Variants in FRAS1 observed in about 807,000 individuals in gnomAD.
FRAS1 encodes extracellular matrix organizing protein FRAS1.
In FRAS1, 290 loss-of-function variants were observed where a neutral mutation model predicts 435.2. The ratio of observed to expected loss-of-function variants is 0.67; its 90% CI spans 0.61 to 0.73. FRAS1 has a LOEUF of 0.73. FRAS1 is among the 30% of genes least tolerant of loss of function. The pLI is 0.00. For synonymous variants in FRAS1, 1,800 were observed against 1,851.0 expected, an observed-to-expected ratio of 0.97 and a Z score of 0.71; for missense variants, 4,860 against 5,001.5, an observed-to-expected ratio of 0.97 and a Z score of 0.85.
At chr4:78,299,090 G>A (rs769736907) in intron 14 of FRAS1, among the ~76,000 whole-genome samples, 3 of 152,204 alleles carry the variant, frequency 2.0e-5, no homozygotes, top group Admixed American at 6.5e-5. Context: ...AGCCAGCGAC[G>A]TTGTGGGCTG....
intron 2 of FRAS1, among the ~76,000 whole-genome samples, chr4:78,115,244 A>G (rs1441364367): frequency 1.3e-5 from 2 of 152,184 alleles, no homozygotes; most frequent in African/African-American, 2.4e-5. Flanking sequence ...TATTTTATTG[A>G]GGATTTTTGC....
At chr4:78,309,457 A>G (rs1178189522) in intron 15 of FRAS1, among the ~76,000 whole-genome samples, 1 of 152,192 alleles carries the variant, frequency 6.6e-6, no homozygotes, top group Non-Finnish European at 1.5e-5. Flanking sequence ...TTGGTGTTTA[A>G]TCCTCACAAT....
chr4:78,278,899 A>C (rs1727190680), intron 10 of FRAS1, among the ~76,000 whole-genome samples, 155 bp downstream of exon 10: 1 of 152,158 alleles, frequency 6.6e-6, no homozygotes, highest in Non-Finnish European at 1.5e-5. Context: ...CACAGAAGGG[A>C]ATACAACAGG....
At chr4:78,220,270 A>G (rs146329212) in intron 2 of FRAS1, among the ~76,000 whole-genome samples, 2,218 of 152,346 alleles carry the variant, frequency 0.015, 28 homozygotes, top group Middle Eastern at 0.027. Flanking sequence ...GGCTGGTCAA[A>G]TTCAGCCAAG....
rs1375257229 is a variant in FRAS1, at chr4:78,540,631, G to C, written c.11546G>C (p.Arg3849Thr). ...CAGCGCTCTCTCACAGCTCCACTCA[G>C]ACGCAACCGAAGGGACCTGGTAGAG... ...RVQRSLTAPLRRNRRDLVEPD... is the reference protein window; with the variant it reads ...RVQRSLTAPLTRNRRDLVEPD... The change falls in exon 74 of 74, where the codon AGA becomes ACA. Residue 3849 changes from arginine to threonine, a missense_variant. Coordinates refer to ENST00000512123, the MANE Select transcript of FRAS1 (RefSeq NM_025074.7). 6.3e-7 allele frequency: 1 copy of C among 1,592,936 alleles called. No homozygotes were observed. The highest frequency in any genetic ancestry group is 1.3e-5 in the African/African-American group (1 of 74,316).
At chr4:78,105,589 G>A (rs538101379) in intron 2 of FRAS1, among the ~76,000 whole-genome samples, 3 of 152,266 alleles carry the variant, frequency 2.0e-5, no homozygotes, top group African/African-American at 7.2e-5. Context: ...GACAAGAGAT[G>A]GGGGAGAGGA....
chr4:78,471,179 C>T (rs1053957173), intron 51 of FRAS1, among the ~76,000 whole-genome samples: 3 of 152,088 alleles, frequency 2.0e-5, no homozygotes, highest in Admixed American at 6.6e-5. Flanking sequence ...TAATTTTCAC[C>T]TAGTAATCAT....
chr4:78,480,535 G>A (rs1560751297), intron 56 of FRAS1, among the ~76,000 whole-genome samples: 1 of 152,166 alleles, frequency 6.6e-6, no homozygotes, highest in Non-Finnish European at 1.5e-5. Flanking sequence ...AGGGGAGAAT[G>A]TGATATATTG....
At chr4:78,388,685 A>C (rs573365741) in intron 29 of FRAS1, among the ~76,000 whole-genome samples, 35 of 150,488 alleles carry the variant, frequency 2.3e-4, no homozygotes, top group Middle Eastern at 6.8e-3. Flanking sequence ...GCATGCACCT[A>C]TAGTCTCCAC....
At chr4:78,246,343 C>A (rs1247528973) in intron 4 of FRAS1, among the ~76,000 whole-genome samples, 3 of 152,188 alleles carry the variant, frequency 2.0e-5, no homozygotes, top group Middle Eastern at 6.8e-3. Flanking sequence ...AGTGTGGGGA[C>A]CTAAAACTCA....
Position 78,402,739 on chromosome 4 carries a change from A to G in FRAS1, c.4129+1852A>G, listed in dbSNP as rs147510733. On this transcript the variant is annotated intron_variant, in intron 30 of 73. Coordinates refer to ENST00000512123, the MANE Select transcript of FRAS1 (RefSeq NM_025074.7). ...TGCCCTTTCTATGACCCAATCCAGG[A>G]TCTCAATTACACTTATTTGCCACGT... 2.6e-3 allele frequency among the ~76,000 whole-genome samples: 392 copies of G among 152,278 alleles called. 2 individuals are homozygous for G. Among genetic ancestry groups the G allele is most frequent in the African/African-American group, 9.0e-3 (375 of 41,556 alleles).
intron 19 of FRAS1, 71 bp from the exon 20 acceptor site, chr4:78,337,603 A>T (rs1278283771): frequency 6.8e-7 from 1 of 1,471,134 alleles, no homozygotes; most frequent in Non-Finnish European, 9.3e-7. Context: ...AATTTGTGGA[A>T]TGCATTAAAT....
intron 70 of FRAS1, among the ~76,000 whole-genome samples, chr4:78,526,936 C>T (rs1019427602): frequency 1.3e-5 from 2 of 152,104 alleles, no homozygotes; most frequent in Non-Finnish European, 2.9e-5. Flanking sequence ...ATTTTTGTGC[C>T]TTTTGTTGAT....
At chr4:78,343,966 GC>G (rs1366591662) in intron 20 of FRAS1, among the ~76,000 whole-genome samples, 3 of 152,136 alleles carry the variant, frequency 2.0e-5, no homozygotes, top group Non-Finnish European at 4.4e-5. Flanking sequence ...GAAGAAAAGA[GC>G]CATAAACTTT....
chr4:78,364,263 G>A (rs148936022), intron 22 of FRAS1, among the ~76,000 whole-genome samples: 28 of 152,302 alleles, frequency 1.8e-4, no homozygotes, highest in African/African-American at 4.6e-4. Context: ...TGGGCTTGGC[G>A]GTGGGGTCTC....
intron 67 of FRAS1, among the ~76,000 whole-genome samples, chr4:78,520,689 A>T (rs150343169): frequency 6.6e-6 from 1 of 152,216 alleles, no homozygotes; most frequent in African/African-American, 2.4e-5. Context: ...ATGACAAAAA[A>T]ATCTATATGT....
intron 26 of FRAS1, among the ~76,000 whole-genome samples, chr4:78,378,906 G>A (rs1369954237): frequency 2.6e-5 from 4 of 151,956 alleles, no homozygotes; most frequent in African/African-American, 9.7e-5. Context: ...TTTGTCACAT[G>A]TGCTTTTTGT....
intron 11 of FRAS1, among the ~76,000 whole-genome samples, chr4:78,282,249 G>C (rs533898220): frequency 6.6e-6 from 1 of 152,002 alleles, no homozygotes; most frequent in African/African-American, 2.4e-5. Context: ...GTTTATTTTC[G>C]TAATTTGCTT....
At chr4:78,167,747 C>T (rs1312479600) in intron 2 of FRAS1, among the ~76,000 whole-genome samples, 1 of 151,942 alleles carries the variant, frequency 6.6e-6, no homozygotes. Flanking sequence ...GCTTTGAACC[C>T]CAGCGATCTG....
Sources: allele counts gnomAD v4.1 joint callset (sites outside exome capture counted in the v4.1 genomes callset), GRCh38; gene constraint gnomAD v4.1.1; transcripts MANE v1.5; gene names NCBI Gene and HGNC (gene_info 2026-07-23, HGNC 2026-07-21).